The following TEX14 variants were observed in gnomAD, a reference collection of about 807,000 sequenced individuals.
TEX14 encodes the protein testis expressed 14, intercellular bridge forming factor, also known as inactive serine/threonine-protein kinase TEX14.
In TEX14, 168 loss-of-function variants were observed where a neutral mutation model predicts 178.6. The ratio of observed to expected loss-of-function variants is 0.94; its 90% CI spans 0.83 to 1.07. The LOEUF (loss-of-function observed/expected upper bound fraction) is 1.07, where lower values mean the gene tolerates loss of function less well. Ranked by LOEUF, TEX14 falls within the 50% of genes least tolerant of loss-of-function variation. The pLI, the probability that TEX14 is intolerant of heterozygous loss-of-function variation, is 0.00. For synonymous variants in TEX14, 626 were observed against 634.1 expected (o/e 0.99, Z 0.19); for missense variants, 1,730 against 1,753.6 (o/e 0.99, Z 0.24).
At chr17:58,612,027 A>C (rs933004104) in intron 9 of TEX14, among the ~76,000 whole-genome samples, 1 of 152,128 alleles carries the variant, frequency 6.6e-6, no homozygotes. Flanking sequence ...GTCATGGAGG[A>C]AAAAAACCTA....
At chr17:58,557,920 T>C (rs1448473833) in intron 30 of TEX14, 70 bp from the exon 31 acceptor site, 3 of 1,167,948 alleles carry the variant, frequency 2.6e-6, no homozygotes, top group East Asian at 2.4e-5. Context: ...CCAGTATTCA[T>C]ATTAGTGCTC....
intron 1 of TEX14, among the ~76,000 whole-genome samples, chr17:58,659,176 A>C (rs955542553): frequency 2.6e-5 from 4 of 152,112 alleles, no homozygotes; most frequent in Non-Finnish European, 5.9e-5. Context: ...GCAGTCCCCC[A>C]CTACCACAAG....
chr17:58,637,240 A>C (rs1425002836), intron 2 of TEX14, among the ~76,000 whole-genome samples: 2 of 151,788 alleles, frequency 1.3e-5, no homozygotes, highest in African/African-American at 4.9e-5. Flanking sequence ...AAACAAAAAA[A>C]CAACAAAAAA....
intron 2 of TEX14, among the ~76,000 whole-genome samples, chr17:58,637,518 A>G (rs2046462644): frequency 6.6e-6 from 1 of 152,186 alleles, no homozygotes; most frequent in Non-Finnish European, 1.5e-5. Context: ...TAGTGATTTA[A>G]TCTACCATAC....
chr17:58,572,385 C>T (rs1212627155), intron 23 of TEX14, among the ~76,000 whole-genome samples: 3 of 152,184 alleles, frequency 2.0e-5, no homozygotes, highest in Non-Finnish European at 4.4e-5. Context: ...AATCCCAGCA[C>T]TTTGTGGGAG....
chr17:58,588,279 T>G (rs909745606), intron 15 of TEX14, among the ~76,000 whole-genome samples: 3 of 152,090 alleles, frequency 2.0e-5, no homozygotes, highest in Non-Finnish European at 4.4e-5. Context: ...AGGCCCACCT[T>G]CATATCAGTG....
At chr17:58,584,962 C>T (rs2044917796) in intron 18 of TEX14, among the ~76,000 whole-genome samples, 1 of 152,136 alleles carries the variant, frequency 6.6e-6, no homozygotes, top group African/African-American at 2.4e-5. Flanking sequence ...AGCAAATTAT[C>T]AACTGAAAAT....
intron 5 of TEX14, among the ~76,000 whole-genome samples, chr17:58,618,669 A>T (rs980556859): frequency 6.6e-6 from 1 of 152,258 alleles, no homozygotes; most frequent in African/African-American, 2.4e-5. Context: ...GAGACGGTGC[A>T]TACTCAGGGC....
At chr17:58,586,165 CTATTA>C (rs746538816) in intron 17 of TEX14, 83 bp from the exon 18 acceptor site, 63 of 1,397,406 alleles carry the variant, frequency 4.5e-5, no homozygotes, top group Non-Finnish European at 5.9e-5. Flanking sequence ...ATACATAATA[CTATTA>C]TAACTCATAG....
chr17:58,624,168 C>G lies in TEX14; in HGVS notation c.252-1156G>C, dbSNP rs547166323. Among the ~76,000 whole-genome samples, 11 of 151,824 alleles carry G rather than the reference C, an allele frequency of 7.2e-5. No individual in the cohort carries two copies. In the East Asian group the frequency reaches 2.2e-3, roughly 30 times the overall value. ...GCGTAGGTGGTGCATACCTGTAGTC[C>G]CAGCTACTCGGGAGGCTGAGGCTAA... On this transcript the variant is annotated intron_variant, in intron 3 of 31. Transcript: ENST00000349033.
intron 1 of TEX14, among the ~76,000 whole-genome samples, chr17:58,682,081 T>C (rs891018599): frequency 2.6e-5 from 4 of 151,588 alleles, no homozygotes; most frequent in Non-Finnish European, 5.9e-5. Context: ...CCTGAGTAGC[T>C]GGGACTACAG....
chr17:58,629,869 C>A (rs2046242571), intron 3 of TEX14, among the ~76,000 whole-genome samples: 1 of 149,560 alleles, frequency 6.7e-6, no homozygotes, highest in South Asian at 2.1e-4. Context: ...AAAATTTAGA[C>A]CAACTATTAA....
intron 29 of TEX14, 71 bp from the exon 30 acceptor site, chr17:58,559,633 C>A: frequency 4.1e-6 from 3 of 737,068 alleles, no homozygotes; most frequent in South Asian, 1.6e-5. Flanking sequence ...GTACTCAAAA[C>A]AAAAAACAAA....
chr17:58,666,686 A>G (rs1395008344), intron 1 of TEX14: 1 of 152,218 alleles, frequency 6.6e-6, no homozygotes, highest in African/African-American at 2.4e-5. Flanking sequence ...ATTTCTCCTG[A>G]CAGGTAATTA....
At chr17:58,631,810 A>T (rs554471390) in intron 2 of TEX14, 3 of 151,940 alleles carry the variant, frequency 2.0e-5, no homozygotes, top group East Asian at 3.9e-4. Flanking sequence ...AACACACTAT[A>T]GAAATTATCC....
chr17:58,661,739 A>G (rs1325512367), intron 1 of TEX14: 17 of 566,906 alleles, frequency 3.0e-5, no homozygotes, highest in Non-Finnish European at 5.3e-5. Flanking sequence ...TGGGGGCGGC[A>G]TAGGGGAAGG....
intron 2 of TEX14, among the ~76,000 whole-genome samples, chr17:58,638,539 A>G (rs532562038): frequency 6.6e-6 from 1 of 152,026 alleles, no homozygotes; most frequent in Non-Finnish European, 1.5e-5. Context: ...ATTGGAGACT[A>G]TAATTCTTTT....
intron 1 of TEX14, among the ~76,000 whole-genome samples, chr17:58,691,360 G>A (rs1598444706): frequency 6.6e-6 from 1 of 151,792 alleles, no homozygotes. Context: ...GGGAAGAAAA[G>A]TCAAGACTAA....
chr17:58,565,004 G>GA (rs544625333), intron 27 of TEX14, 36 bp from the exon 28 acceptor site: 866 of 1,353,252 alleles, frequency 6.4e-4, no homozygotes, highest in Middle Eastern at 7.5e-4. Context: ...TTATTAGAAC[G>GA]AAAAAAAAAT....
Sources: gnomAD v4.1 joint callset for allele counts (sites outside exome capture counted in the v4.1 genomes callset) on GRCh38, gnomAD v4.1.1 for gene constraint, MANE v1.5 for transcripts, NCBI Gene and HGNC (gene_info 2026-07-23, HGNC 2026-07-21) for gene names.